The following NRXN3 variants were observed in gnomAD, a reference collection of about 807,000 sequenced individuals.
The protein encoded by NRXN3 is neurexin 3.
A neutral mutation model predicts 137.6 loss-of-function variants in NRXN3; 32 were observed. That is an observed-to-expected ratio of 0.23 (90% CI 0.18 to 0.31). NRXN3 has a LOEUF of 0.31. NRXN3 is among the 10% of genes least tolerant of loss of function. The pLI is 1.00. For missense variants in NRXN3, 1,574 were observed against 2,062.5 expected, an observed-to-expected ratio of 0.76 and a Z score of 4.59; for synonymous variants, 798 against 784.5, an observed-to-expected ratio of 1.02 and a Z score of -0.29.
At chr14:79,046,207 C>CTCCTT (rs1380173944) in intron 15 of NRXN3, among the ~76,000 whole-genome samples, 1 of 152,172 alleles carries the variant, frequency 6.6e-6, no homozygotes, top group African/African-American at 2.4e-5. Context: ...CTCCCCTCCT[C>CTCCTT]TCCTTTCCTT....
At chr14:78,871,759 T>A (rs778151801) in intron 10 of NRXN3, among the ~76,000 whole-genome samples, 17 of 152,136 alleles carry the variant, frequency 1.1e-4, no homozygotes, top group Admixed American at 2.0e-4. Flanking sequence ...ATTTATCTAC[T>A]CAGACTTTTT....
intron 1 of NRXN3, among the ~76,000 whole-genome samples, chr14:78,187,630 A>G (rs927686108): frequency 6.6e-6 from 1 of 152,064 alleles, no homozygotes; most frequent in Non-Finnish European, 1.5e-5. Flanking sequence ...TGCTAATAGG[A>G]AGTCTTCGCT....
chr14:79,190,785 CTTCTCATCTTATCCTTCTACTAAGTCACT>C (rs2064188621), intron 15 of NRXN3, among the ~76,000 whole-genome samples: 1 of 152,138 alleles, frequency 6.6e-6, no homozygotes. Context: ...TGAACCCTTT[CTTCTCATCTTATCCTTCTACTAAGTCACT>C]TGAAAACTGT....
chr14:78,725,692 T>G (rs527387676), intron 8 of NRXN3, among the ~76,000 whole-genome samples: 1 of 152,224 alleles, frequency 6.6e-6, no homozygotes, highest in East Asian at 1.9e-4. Flanking sequence ...TTGTGGGGGG[T>G]GACTCTTTTA....
chr14:79,151,589 T>C (rs1167313710), intron 15 of NRXN3, among the ~76,000 whole-genome samples: 1 of 152,024 alleles, frequency 6.6e-6, no homozygotes, highest in African/African-American at 2.4e-5. Flanking sequence ...GGAGCTGAGA[T>C]AAAAGAAAGC....
At chr14:78,450,115 T>A (rs1362760188) in intron 4 of NRXN3, among the ~76,000 whole-genome samples, 1 of 152,184 alleles carries the variant, frequency 6.6e-6, no homozygotes, top group African/African-American at 2.4e-5. Context: ...TGGCAAGAAA[T>A]CCATCAATCT....
chr14:79,427,923 G>A (rs2095681986), intron 15 of NRXN3, among the ~76,000 whole-genome samples: 1 of 152,166 alleles, frequency 6.6e-6, no homozygotes, highest in Non-Finnish European at 1.5e-5. Context: ...ACCAGGCACT[G>A]GCCTGAGTGC....
intron 15 of NRXN3, among the ~76,000 whole-genome samples, chr14:79,271,212 T>C (rs1358864104): frequency 6.6e-6 from 1 of 152,166 alleles, no homozygotes; most frequent in Non-Finnish European, 1.5e-5. Flanking sequence ...GAAAAGTAAC[T>C]ACATGGAATA....
At chr14:79,569,855 C>A (rs2097583786) in intron 16 of NRXN3, among the ~76,000 whole-genome samples, 1 of 152,112 alleles carries the variant, frequency 6.6e-6, no homozygotes, top group African/African-American at 2.4e-5. Flanking sequence ...GTGATCCGCC[C>A]ACCTCAGCAT....
chr14:79,023,313 G>A (rs1568021228), intron 15 of NRXN3, among the ~76,000 whole-genome samples: 1 of 151,960 alleles, frequency 6.6e-6, no homozygotes, highest in Non-Finnish European at 1.5e-5. Flanking sequence ...ACAGAGATGA[G>A]CACAACAGAC....
At position 79,242,755 on chromosome 14, in the gene NRXN3, G is replaced by C. The variant is rs530713788; in HGVS notation, c.3263-224466G>C. ...CATTCAGCTCCATCAGTCAGATTCT[G>C]CTGGGACTGCACAACCCAAGGATCC... is the stretch of plus-strand genomic sequence containing the variant. On this transcript the variant is annotated intron_variant, in intron 15 of 20. Transcript: ENST00000335750. Among the ~76,000 whole-genome samples, 245 of 152,276 alleles carry C rather than the reference G, an allele frequency of 1.6e-3. 1 individual carries two copies. Among genetic ancestry groups the C allele is most frequent in the Middle Eastern group, 3.4e-3 (1 of 294 alleles).
chr14:79,747,051 C>G (rs2098981961), intron 19 of NRXN3, among the ~76,000 whole-genome samples: 1 of 152,030 alleles, frequency 6.6e-6, no homozygotes, highest in Non-Finnish European at 1.5e-5. Flanking sequence ...TGGCTCTCAG[C>G]AGTTGATGCC....
chr14:78,325,852 A>C (rs1295829297), intron 4 of NRXN3, among the ~76,000 whole-genome samples: 2 of 152,182 alleles, frequency 1.3e-5, no homozygotes, highest in South Asian at 2.1e-4. Context: ...ACAAATATGC[A>C]AAGTGAGTTG....
At chr14:79,756,279 T>C (rs1282059919) in intron 19 of NRXN3, among the ~76,000 whole-genome samples, 1 of 152,196 alleles carries the variant, frequency 6.6e-6, no homozygotes, top group Admixed American at 6.6e-5. Flanking sequence ...TCAGATACAC[T>C]TTCCTTCTTC....
At position 78,819,841 on chromosome 14, in the gene NRXN3, T is replaced by C. The variant is rs1468560453; in HGVS notation, c.2275+9497T>C. 2.0e-5 allele frequency among the ~76,000 whole-genome samples: 3 copies of C among 152,180 alleles called. No homozygotes were observed. The East Asian group carries it at 5.8e-4, about 29-fold the overall frequency. Reference sequence around the variant, plus strand: ...AGCAGCCAACAAATTTATAATTATATAACTAGGGACTTTCCAATAGGATAG... The same window carrying C: ...AGCAGCCAACAAATTTATAATTATACAACTAGGGACTTTCCAATAGGATAG... On this transcript the variant is annotated intron_variant, in intron 10 of 20. Transcript: ENST00000335750.
intron 4 of NRXN3, among the ~76,000 whole-genome samples, chr14:78,584,615 A>G (rs1317892655): frequency 6.6e-6 from 1 of 152,240 alleles, no homozygotes; most frequent in Non-Finnish European, 1.5e-5. Flanking sequence ...TGTGATGTAG[A>G]CAGACACTGG....
chr14:79,590,661 C>G (rs1333958868), intron 16 of NRXN3, among the ~76,000 whole-genome samples: 2 of 152,094 alleles, frequency 1.3e-5, no homozygotes, highest in Non-Finnish European at 2.9e-5. Flanking sequence ...CTATGGCCAC[C>G]ATGGAAACCA....
chr14:78,452,311 T>C (rs887083425), intron 4 of NRXN3, among the ~76,000 whole-genome samples: 37 of 152,344 alleles, frequency 2.4e-4, no homozygotes, highest in African/African-American at 7.2e-4. Context: ...AGGAATATAA[T>C]AGTACTACTT....
At chr14:78,349,595 G>A (rs1178963362) in intron 4 of NRXN3, among the ~76,000 whole-genome samples, 1 of 152,138 alleles carries the variant, frequency 6.6e-6, no homozygotes, top group Non-Finnish European at 1.5e-5. Context: ...ATTACATGCG[G>A]TCTAGTTATA....
Sources: allele counts gnomAD v4.1 joint callset (sites outside exome capture counted in the v4.1 genomes callset), GRCh38; gene constraint gnomAD v4.1.1; transcripts MANE v1.5; gene names NCBI Gene and HGNC (gene_info 2026-07-23, HGNC 2026-07-21).